The following PLP1 variants were observed in gnomAD, a reference collection of about 807,000 sequenced individuals.
The protein encoded by PLP1 is myelin proteolipid protein.
A neutral mutation model predicts 18.5 loss-of-function variants in PLP1; 2 were observed. The ratio of observed to expected loss-of-function variants is 0.11; its 90% CI spans 0.04 to 0.34. The LOEUF is 0.34. Among genes scored for constraint, PLP1 ranks in the 10% least tolerant of loss-of-function variants. The probability of loss-of-function intolerance (pLI) is 1.00; values close to 1 mark genes in which losing one functional copy is unlikely to be tolerated. For synonymous variants in PLP1, 86 were observed against 83.2 expected, an observed-to-expected ratio of 1.03 and a Z score of -0.19; for missense variants, 105 against 207.3, an observed-to-expected ratio of 0.51 and a Z score of 3.03.
chrX:103,783,112 T>A (rs911470315), intron 1 of PLP1, among the ~76,000 whole-genome samples: 1 of 112,169 alleles, frequency 8.9e-6, no homozygotes. Context: ...TCTTAACCTG[T>A]TGAGAAAGAG....
chrX:103,777,170 C>G (rs909598238), intron 1 of PLP1, among the ~76,000 whole-genome samples, 171 bp downstream of exon 1: 3 of 112,167 alleles, frequency 2.7e-5, no homozygotes, highest in African/African-American at 9.7e-5. Context: ...CTCCGCTGTA[C>G]TAAGCATGAT....
Position 103,786,819 on chromosome X carries a change from C to T in PLP1, c.453+93C>T, listed in dbSNP as rs1482188367. ...TCGTCCCCACCCAAGGCTGGGTCCT[C>T]TCTAGGGGCCTGGCATTTGAGTGAG... On this transcript the variant is annotated intron_variant, in intron 3 of 6. Coordinates refer to ENST00000621218, the MANE Select transcript of PLP1 (RefSeq NM_000533.5). The T allele has an allele frequency of 6.5e-6, 6 of 927,727 alleles. No homozygotes were observed. The African/African-American group carries it at 7.7e-5, about 12-fold the overall frequency. 76.5% of individuals were successfully genotyped at this position (927,727 alleles called of 1,213,427 possible). A position where few individuals can be genotyped will look rare whatever the true frequency, so the allele number is the denominator to read the frequency against.
chrX:103,782,947 CCTT>C (rs1256398793), intron 1 of PLP1, among the ~76,000 whole-genome samples: 5 of 112,183 alleles, frequency 4.5e-5, no homozygotes, highest in Non-Finnish European at 9.4e-5. Flanking sequence ...GGGTCACTGA[CCTT>C]CTTCTCCCCC....
rs202202262 is a variant in PLP1 at position 103,787,930 on chromosome X, A to G, written c.586A>G (p.Ser196Gly). Residue 196 changes from serine to glycine, a missense_variant, in exon 4 of 7, where the codon AGT (serine) becomes GGT (glycine). By Grantham distance (56) the Ser-to-Gly change is moderately conservative. Coordinates refer to ENST00000621218, the MANE Select transcript of PLP1 (RefSeq NM_000533.5). ...SIAFPSKTSASIGSLCADARM... is the reference protein window; with the variant it reads ...SIAFPSKTSAGIGSLCADARM... ...TGCCTTCCCCAGCAAGACCTCTGCCAGTATAGGCAGTCTCTGTGCTGATGC... is the reference window on the plus strand; with the variant it reads ...TGCCTTCCCCAGCAAGACCTCTGCCGGTATAGGCAGTCTCTGTGCTGATGC... The G allele has an allele frequency of 2.0e-5, 24 of 1,208,887 alleles. No homozygotes were observed. In the Admixed American group the frequency reaches 4.6e-4, roughly 23 times the overall value.
At chrX:103,786,780 G>A (rs775007393) in intron 3 of PLP1, 54 bp downstream of exon 3, 25 of 1,159,830 alleles carry the variant, frequency 2.2e-5, no homozygotes, top group South Asian at 2.0e-4. Flanking sequence ...AAAATTGGGC[G>A]CGAGTCTGTG....
At chrX:103,785,235 C>G (rs1367071609) in intron 1 of PLP1, among the ~76,000 whole-genome samples, 2 of 110,953 alleles carry the variant, frequency 1.8e-5, no homozygotes, top group Non-Finnish European at 3.8e-5. Flanking sequence ...TACGCCCATG[C>G]CCGGCTAATT....
At chrX:103,783,070 T>C (rs1200847984) in intron 1 of PLP1, among the ~76,000 whole-genome samples, 2 of 111,548 alleles carry the variant, frequency 1.8e-5, no homozygotes, top group Non-Finnish European at 3.8e-5. Flanking sequence ...ACTTCTAAGC[T>C]CCTTTTCTTG....
Position 103,787,685 on chromosome X carries a change from CCCTGGAA to C in PLP1, c.454-107_454-101del. The C allele has an allele frequency of 1.7e-5, 11 of 635,889 alleles. No individual in the cohort carries two copies. The South Asian group carries it at 2.4e-4, about 14-fold the overall frequency. 52.4% of individuals were successfully genotyped at this position (635,889 alleles called of 1,213,427 possible). On this transcript the variant is annotated intron_variant, in intron 3 of 6. Transcript: ENST00000621218. ...CTCACTAATTTCATTTGAAGGAGAGCCCTGGAACCTGGTTTTAATGTCTGGCACACGC... is the reference window on the plus strand; with the variant it reads ...CTCACTAATTTCATTTGAAGGAGAGCCCTGGTTTTAATGTCTGGCACACGC...
rs1275404284 is a variant in PLP1 at position 103,787,856 on chromosome X, C to G, written c.512C>G (p.Ala171Gly). The part of the protein sequence containing the change: ...VVWLLVFACS[A>G]VPVYIYFNTW... ...TGGCTCCTGGTGTTTGCCTGCTCTG[C>G]TGTGCCTGTGTACATTTACTTCAAC... Residue 171 changes from alanine (A) to glycine (G), a missense_variant, in exon 4 of 7, where the codon GCT becomes GGT. Transcript: ENST00000621218. 1.7e-6 allele frequency: 2 copies of G among 1,207,728 alleles called. No homozygotes were observed. The highest frequency in any genetic ancestry group is 3.5e-5 in the South Asian group (2 of 56,890).
At chrX:103,785,917 C>A in intron 2 of PLP1, 149 bp downstream of exon 2, 1 of 709,048 alleles carries the variant, frequency 1.4e-6, no homozygotes, top group Non-Finnish European at 2.1e-6. Flanking sequence ...CAGATCTCTC[C>A]TGCTCCACAT....
At chrX:103,790,051 G>A (rs772222512) in intron 6 of PLP1, among the ~76,000 whole-genome samples, 3 of 112,151 alleles carry the variant, frequency 2.7e-5, no homozygotes, top group East Asian at 2.8e-4. Flanking sequence ...TGAGCTCACA[G>A]AACTCCTGGC....
intron 2 of PLP1, chrX:103,786,166 T>A: frequency 9.0e-7 from 1 of 1,115,271 alleles, no homozygotes; most frequent in Non-Finnish European, 1.2e-6. Flanking sequence ...AGCTCCCTAC[T>A]CCTGTGAGTT....
At chrX:103,790,444 C>A in intron 6 of PLP1, 83 bp from the exon 7 acceptor site, 1 of 691,274 alleles carries the variant, frequency 1.4e-6, no homozygotes, top group Non-Finnish European at 2.4e-6. Context: ...TTTATTTCTA[C>A]CCTTCCTCAT....
intron 3 of PLP1, 84 bp downstream of exon 3, chrX:103,786,810 C>A: frequency 9.9e-7 from 1 of 1,015,097 alleles, no homozygotes; most frequent in Non-Finnish European, 1.4e-6. Context: ...CCACCCAAGG[C>A]TGGGTCCTCT....
rs2074545642 is a variant in PLP1 at position 103,791,555 on chromosome X, G to A, written c.*957G>A. 8.9e-6 allele frequency: 1 copy of A among 112,341 alleles called. No homozygotes were observed. Among genetic ancestry groups the A allele is most frequent in the South Asian group, 3.7e-4 (1 of 2,691 alleles). The allele number at this position is 112,341 out of a possible 1,213,427, so 9.3% of individuals were successfully genotyped here. Reference sequence around the variant, plus strand: ...GTCTTTTTTTCTGTTAATTAGTTGTGTACTCTGGCCTCTGTCATATCTTCA... The same window carrying A: ...GTCTTTTTTTCTGTTAATTAGTTGTATACTCTGGCCTCTGTCATATCTTCA... On this transcript the variant is annotated 3_prime_UTR_variant, in exon 7 of 7. Coordinates refer to ENST00000621218, the MANE Select transcript of PLP1 (RefSeq NM_000533.5).
At chrX:103,780,431 GTCTCTC>G (rs35713329) in intron 1 of PLP1, among the ~76,000 whole-genome samples, 1 of 90,415 alleles carries the variant, frequency 1.1e-5, no homozygotes, top group African/African-American at 4.1e-5. Flanking sequence ...CATTCATTCT[GTCTCTC>G]TCTGTGTGTG....
At chrX:103,782,442 G>A (rs1488379272) in intron 1 of PLP1, among the ~76,000 whole-genome samples, 1 of 111,878 alleles carries the variant, frequency 8.9e-6, no homozygotes, top group Non-Finnish European at 1.9e-5. Flanking sequence ...TGGTGACTCA[G>A]AATTGCTCCT....
intron 5 of PLP1, chrX:103,788,785 C>G: frequency 2.7e-6 from 1 of 364,054 alleles, no homozygotes; most frequent in Non-Finnish European, 4.8e-6. Flanking sequence ...AGCCTAATGG[C>G]AAAATCCCCC....
chrX:103,782,772 T>C (rs1423308354), intron 1 of PLP1, among the ~76,000 whole-genome samples: 2 of 87,894 alleles, frequency 2.3e-5, no homozygotes, highest in Non-Finnish European at 4.4e-5. Flanking sequence ...AGTCCTGCCA[T>C]TGTTCCCTGA....
Sources: gnomAD v4.1 joint callset for allele counts (sites outside exome capture counted in the v4.1 genomes callset) on GRCh38, gnomAD v4.1.1 for gene constraint, MANE v1.5 for transcripts, NCBI Gene and HGNC (gene_info 2026-07-23, HGNC 2026-07-21) for gene names.